The following IQCM variants were observed in gnomAD, a reference collection of about 807,000 sequenced individuals.
IQCM encodes IQ domain-containing protein M.
In IQCM, 45 loss-of-function variants were observed where a neutral mutation model predicts 57.6. The observed-to-expected ratio is 0.78, with a 90% CI of 0.62 to 1.00. The LOEUF (loss-of-function observed/expected upper bound fraction) is 1.00. Among genes scored for constraint, IQCM ranks in the 50% least tolerant of loss-of-function variants. IQCM has a pLI of 0.00. For missense variants in IQCM, 468 were observed against 511.6 expected, an observed-to-expected ratio of 0.91 and a Z score of 0.82; for synonymous variants, 148 against 158.9, an observed-to-expected ratio of 0.93 and a Z score of 0.51.
intron 13 of IQCM, among the ~76,000 whole-genome samples, chr4:149,423,461 C>A (rs1300899644): frequency 1.3e-5 from 2 of 151,976 alleles, no homozygotes; most frequent in African/African-American, 4.8e-5. Flanking sequence ...GGACATAGAG[C>A]AAAACTGTAT....
intron 12 of IQCM, among the ~76,000 whole-genome samples, chr4:149,434,364 C>A (rs989147104): frequency 1.3e-5 from 2 of 152,038 alleles, no homozygotes; most frequent in Non-Finnish European, 2.9e-5. Context: ...CTCTGGTATG[C>A]CCATTGGGCC....
intron 2 of IQCM, among the ~76,000 whole-genome samples, chr4:149,793,930 A>C (rs1472435856): frequency 6.6e-6 from 1 of 152,236 alleles, no homozygotes; most frequent in Non-Finnish European, 1.5e-5. Context: ...AATGATTCTA[A>C]AAATGTAAAA....
chr4:149,683,549 T>C (rs1170719376), intron 6 of IQCM, among the ~76,000 whole-genome samples: 1 of 151,296 alleles, frequency 6.6e-6, no homozygotes, highest in Non-Finnish European at 1.5e-5. Flanking sequence ...TTAAGTTGTA[T>C]CAAGAGAAAA....
At chr4:149,441,213 A>G (rs1735908781) in intron 12 of IQCM, among the ~76,000 whole-genome samples, 1 of 152,198 alleles carries the variant, frequency 6.6e-6, no homozygotes, top group African/African-American at 2.4e-5. Context: ...CAATAAAATT[A>G]ACACCTAAAT....
At chr4:149,481,696 G>GTTTTGTTTTTTTTTTTTTTTTTTT (rs1740807413) in intron 12 of IQCM, among the ~76,000 whole-genome samples, 3 of 33,606 alleles carry the variant, frequency 8.9e-5, no homozygotes, top group African/African-American at 2.5e-4. Flanking sequence ...GATTCTTCCA[G>GTTTTGTTTTTTTTTTTTTTTTTTT]TTTTGTTTTT....
chr4:149,625,185 T>A (rs992101866), intron 7 of IQCM, among the ~76,000 whole-genome samples: 1 of 152,220 alleles, frequency 6.6e-6, no homozygotes, highest in Non-Finnish European at 1.5e-5. Context: ...TACATTAGTT[T>A]AAATTTTAGA....
chr4:149,551,136 T>A (rs1748988106), intron 11 of IQCM, among the ~76,000 whole-genome samples: 1 of 152,202 alleles, frequency 6.6e-6, no homozygotes. Flanking sequence ...AATTTCATTT[T>A]GCTCTGCTCC....
intron 2 of IQCM, among the ~76,000 whole-genome samples, chr4:149,789,475 C>G (rs1224568426): frequency 6.6e-6 from 1 of 152,104 alleles, no homozygotes; most frequent in African/African-American, 2.4e-5. Flanking sequence ...TGGTCTTTAG[C>G]TTTTAAATTT....
At chr4:149,429,236 G>A (rs143379432) in intron 13 of IQCM, among the ~76,000 whole-genome samples, 69 of 151,950 alleles carry the variant, frequency 4.5e-4, no homozygotes, top group African/African-American at 1.5e-3. Flanking sequence ...GGAGCTTGAG[G>A]ACAGACAGTG....
intron 8 of IQCM, among the ~76,000 whole-genome samples, chr4:149,588,918 A>C (rs1023853219): frequency 1.3e-5 from 2 of 151,960 alleles, no homozygotes; most frequent in Admixed American, 1.3e-4. Flanking sequence ...TTTTCAAATA[A>C]ACCTGGCATA....
At chr4:149,782,363 A>G (rs1330633152) in intron 2 of IQCM, among the ~76,000 whole-genome samples, 2 of 152,204 alleles carry the variant, frequency 1.3e-5, no homozygotes, top group African/African-American at 4.8e-5. Flanking sequence ...CACACTAAAT[A>G]TGTAATAAAA....
At chr4:149,758,579 T>A (rs1261123769) in intron 2 of IQCM, among the ~76,000 whole-genome samples, 1 of 152,178 alleles carries the variant, frequency 6.6e-6, no homozygotes, top group Non-Finnish European at 1.5e-5. Context: ...AAAAGATATA[T>A]CTGATACAGA....
intron 7 of IQCM, among the ~76,000 whole-genome samples, chr4:149,659,430 C>A: frequency 6.6e-6 from 1 of 151,962 alleles, no homozygotes; most frequent in South Asian, 2.1e-4. Flanking sequence ...GATTCAATGC[C>A]ATCTCCATCA....
intron 12 of IQCM, among the ~76,000 whole-genome samples, chr4:149,450,512 GA>G (rs1221947911): frequency 6.6e-6 from 1 of 151,382 alleles, no homozygotes; most frequent in Non-Finnish European, 1.5e-5. Flanking sequence ...AACTCTGTAG[GA>G]AAAAAATCTG....
chr4:149,628,258 T>C (rs542410113), intron 7 of IQCM, among the ~76,000 whole-genome samples: 1 of 152,264 alleles, frequency 6.6e-6, no homozygotes, highest in African/African-American at 2.4e-5. Flanking sequence ...ATTCTCACTA[T>C]ATTATAATAA....
At chr4:149,363,131 G>C (rs1729606888) in intron 13 of IQCM, among the ~76,000 whole-genome samples, 1 of 152,214 alleles carries the variant, frequency 6.6e-6, no homozygotes, top group African/African-American at 2.4e-5. Flanking sequence ...TGAGAGCACA[G>C]AGCATCAGTG....
At chr4:149,421,787 T>G (rs999093323) in intron 13 of IQCM, among the ~76,000 whole-genome samples, 1 of 152,074 alleles carries the variant, frequency 6.6e-6, no homozygotes, top group Non-Finnish European at 1.5e-5. Context: ...AGTATGGTTT[T>G]AGTATAAGAT....
intron 13 of IQCM, among the ~76,000 whole-genome samples, chr4:149,410,248 A>G (rs1733283492): frequency 6.6e-6 from 1 of 152,002 alleles, no homozygotes; most frequent in South Asian, 2.1e-4. Context: ...AAGGTCCCAA[A>G]CTGCTCCCAT....
At chr4:149,584,615 T>C (rs1752490237) in intron 9 of IQCM, among the ~76,000 whole-genome samples, 1 of 151,686 alleles carries the variant, frequency 6.6e-6, no homozygotes, top group Non-Finnish European at 1.5e-5. Flanking sequence ...CTCTGTTTAA[T>C]AATGCTTCTA....
Sources: gnomAD v4.1 joint callset for allele counts (sites outside exome capture counted in the v4.1 genomes callset) on GRCh38, gnomAD v4.1.1 for gene constraint, MANE v1.5 for transcripts, NCBI Gene and HGNC (gene_info 2026-07-23, HGNC 2026-07-21) for gene names.